SDK1: variants seen among roughly 807,000 people sequenced by gnomAD.
The protein encoded by SDK1 is protein sidekick-1.
SDK1 carries 157 observed loss-of-function variants against 245.5 expected under a neutral mutation model. That is an observed-to-expected ratio of 0.64 (90% confidence interval 0.56 to 0.73). The LOEUF (loss-of-function observed/expected upper bound fraction) is 0.73. Ranked by LOEUF, SDK1 falls within the 30% of genes least tolerant of loss-of-function variation. SDK1 has a pLI of 0.00. For synonymous variants in SDK1, 1,647 were observed against 1,278.5 expected, an observed-to-expected ratio of 1.29 and a Z score of -6.15; for missense variants, 3,583 against 3,002.3, an observed-to-expected ratio of 1.19 and a Z score of -4.52.
At chr7:3,890,723 C>T (rs996813674) in intron 5 of SDK1, among the ~76,000 whole-genome samples, 3 of 152,000 alleles carry the variant, frequency 2.0e-5, no homozygotes, top group Non-Finnish European at 2.9e-5. Flanking sequence ...AGTCGGATCA[C>T]CTGAGGTCAG....
At chr7:3,316,645 G>C (rs562443366) in intron 1 of SDK1, among the ~76,000 whole-genome samples, 1 of 152,264 alleles carries the variant, frequency 6.6e-6, no homozygotes, top group Non-Finnish European at 1.5e-5. Context: ...TTCTGAGAAT[G>C]CCCTAGTAGA....
rs183732849 is a variant in SDK1 at position 3,912,018 on chromosome 7, C to T, written c.848-38905C>T. On this transcript the variant is annotated intron_variant, in intron 5 of 44. Coordinates refer to ENST00000404826, the MANE Select transcript of SDK1 (RefSeq NM_152744.4). ...CAACTTGAGCAAGAGCTTGTAGGTG[C>T]GGGGGCGTGCAGGGCAAGGGGGCCC... is the stretch of plus-strand genomic sequence containing the variant. Among the ~76,000 whole-genome samples the T allele has an allele frequency of 3.9e-3, 593 of 152,092 alleles. 9 individuals carry two copies. The highest frequency in any genetic ancestry group is 0.014 in the African/African-American group (577 of 41,484).
intron 1 of SDK1, among the ~76,000 whole-genome samples, chr7:3,469,117 T>G (rs774211666): frequency 2.0e-5 from 3 of 152,180 alleles, no homozygotes; most frequent in Admixed American, 2.0e-4. Context: ...ATTTCGAATT[T>G]CGTGTCAATT....
At position 3,424,530 on chromosome 7, in the gene SDK1, T is replaced by C. The variant is rs1051721415; in HGVS notation, c.298+122646T>C. Among the ~76,000 whole-genome samples, 7 of 152,226 alleles carry C rather than the reference T, an allele frequency of 4.6e-5. No homozygotes were observed. In the South Asian group the frequency reaches 6.2e-4, roughly 14 times the overall value. The stretch of plus-strand genomic sequence containing the variant: ...GAGAAATTTGAAGATATGTCTCTTA[T>C]GAATCTTGCTGCATCAGTTTGTTTT... On this transcript the variant is annotated intron_variant, in intron 1 of 44. Transcript: ENST00000404826.
intron 1 of SDK1, among the ~76,000 whole-genome samples, chr7:3,329,527 G>A (rs546570305): frequency 9.9e-5 from 15 of 152,072 alleles, no homozygotes; most frequent in African/African-American, 1.7e-4. Context: ...CTATAATCAC[G>A]CCACATCTTC....
intron 5 of SDK1, among the ~76,000 whole-genome samples, chr7:3,861,257 G>A (rs528532029): frequency 3.9e-5 from 6 of 152,272 alleles, no homozygotes; most frequent in South Asian, 4.1e-4. Context: ...TCAGTGAAGC[G>A]CCGTGCAAAA....
In SDK1 at chr7:4,149,361, C is replaced by T. The variant is rs766801042; in HGVS notation, c.4523C>T (p.Pro1508Leu). Residue 1508 changes from proline (P) to leucine (L), a missense_variant, in exon 30 of 45, where the codon CCC becomes CTC. Transcript: ENST00000404826. Reference sequence around the variant, plus strand: ...GTCCCGGGCAGCGACGGGGCCTCCCCCATCCGGTACTTCACCATGCAGGTG... The same window carrying T: ...GTCCCGGGCAGCGACGGGGCCTCCCTCATCCGGTACTTCACCATGCAGGTG... ...QWVPGSDGASPIRYFTMQVRE... is the reference protein window; with the variant it reads ...QWVPGSDGASLIRYFTMQVRE... The T allele has an allele frequency of 6.3e-7, 1 of 1,592,686 alleles. No individual in the cohort carries two copies. Among genetic ancestry groups the T allele is most frequent in the Non-Finnish European group, 8.5e-7 (1 of 1,170,036 alleles).
At chr7:3,521,238 T>C (rs1174865681) in intron 1 of SDK1, among the ~76,000 whole-genome samples, 2 of 152,174 alleles carry the variant, frequency 1.3e-5, no homozygotes, top group Non-Finnish European at 2.9e-5. Context: ...TTACTTCCCT[T>C]CTGCTACATC....
At chr7:3,929,870 T>C (rs1004844382) in intron 5 of SDK1, among the ~76,000 whole-genome samples, 1 of 152,184 alleles carries the variant, frequency 6.6e-6, no homozygotes, top group Non-Finnish European at 1.5e-5. Context: ...AGGCTGTTCA[T>C]GGTGCCAGCA....
At chr7:3,378,770 A>G (rs1781413238) in intron 1 of SDK1, among the ~76,000 whole-genome samples, 1 of 150,118 alleles carries the variant, frequency 6.7e-6, no homozygotes, top group African/African-American at 2.5e-5. Context: ...AAGGGCAGGG[A>G]GCATATAGCG....
intron 5 of SDK1, among the ~76,000 whole-genome samples, chr7:3,866,360 C>G (rs887267256): frequency 1.3e-5 from 2 of 152,156 alleles, no homozygotes; most frequent in African/African-American, 4.8e-5. Flanking sequence ...GGAAAGGCAA[C>G]AAGCAAGTCA....
chr7:4,059,948 C>T (rs867442467), intron 19 of SDK1, among the ~76,000 whole-genome samples: 9 of 150,434 alleles, frequency 6.0e-5, no homozygotes, highest in South Asian at 2.1e-4. Flanking sequence ...GGCGCAGTCT[C>T]GGCTCACTGC....
At chr7:3,405,651 T>C (rs949217534) in intron 1 of SDK1, among the ~76,000 whole-genome samples, 23 of 152,094 alleles carry the variant, frequency 1.5e-4, no homozygotes, top group Admixed American at 1.3e-3. Context: ...TTATCAGATA[T>C]GGTTATAAGG....
intron 1 of SDK1, among the ~76,000 whole-genome samples, chr7:3,449,170 A>G (rs777167329): frequency 3.3e-5 from 5 of 152,184 alleles, no homozygotes; most frequent in African/African-American, 4.8e-5. Context: ...TTCTCCAAGT[A>G]AAGCTGTGTG....
At chr7:3,335,688 A>G (rs935770262) in intron 1 of SDK1, among the ~76,000 whole-genome samples, 9 of 152,226 alleles carry the variant, frequency 5.9e-5, no homozygotes, top group African/African-American at 2.2e-4. Context: ...GAAAGTAAGC[A>G]CTAGAACTTT....
intron 1 of SDK1, among the ~76,000 whole-genome samples, chr7:3,463,949 C>G (rs1780911906): frequency 6.6e-6 from 1 of 152,186 alleles, no homozygotes; most frequent in South Asian, 2.1e-4. Context: ...CTTTTTCTCC[C>G]AGCTCTGGAG....
At chr7:4,191,840 G>T (rs915462086) in intron 35 of SDK1, among the ~76,000 whole-genome samples, 1 of 152,202 alleles carries the variant, frequency 6.6e-6, no homozygotes, top group Non-Finnish European at 1.5e-5. Context: ...AGGTGTGGCC[G>T]GGCAGACCAC....
intron 5 of SDK1, among the ~76,000 whole-genome samples, chr7:3,876,465 C>A (rs1379149200): frequency 1.3e-5 from 2 of 152,142 alleles, no homozygotes; most frequent in African/African-American, 2.4e-5. Context: ...ATATTTAAAT[C>A]TTTTTGTCCT....
intron 1 of SDK1, among the ~76,000 whole-genome samples, chr7:3,375,729 C>T (rs910751951): frequency 6.6e-6 from 1 of 152,154 alleles, no homozygotes; most frequent in Non-Finnish European, 1.5e-5. Flanking sequence ...GTGGGTGAGC[C>T]ATCTGGGAAG....
Sources: allele counts gnomAD v4.1 joint callset (sites outside exome capture counted in the v4.1 genomes callset), GRCh38; gene constraint gnomAD v4.1.1; transcripts MANE v1.5; gene names NCBI Gene and HGNC (gene_info 2026-07-23, HGNC 2026-07-21).